TTLL1: variants seen among roughly 807,000 people sequenced by gnomAD.
The protein encoded by TTLL1 is polyglutamylase complex subunit TTLL1.
TTLL1 carries 33 observed loss-of-function variants against 47.8 expected under a neutral mutation model. The ratio of observed to expected loss-of-function variants is 0.69; its 90% CI spans 0.52 to 0.92. TTLL1 has a LOEUF of 0.92. TTLL1 is among the 40% of genes least tolerant of loss of function. The pLI is 0.00. For missense variants in TTLL1, 488 were observed against 547.5 expected, an observed-to-expected ratio of 0.89 and a Z score of 1.08; for synonymous variants, 225 against 214.1, an observed-to-expected ratio of 1.05 and a Z score of -0.45.
intron 1 of TTLL1, among the ~76,000 whole-genome samples, chr22:43,084,119 C>T (rs1364443919): frequency 5.9e-5 from 9 of 152,106 alleles, no homozygotes; most frequent in Non-Finnish European, 1.0e-4. Context: ...AAGATAGAAA[C>T]AGAGTTCCTG....
chr22:43,087,628 A>G (rs761737165), intron 1 of TTLL1, among the ~76,000 whole-genome samples: 5 of 151,540 alleles, frequency 3.3e-5, no homozygotes, highest in Non-Finnish European at 7.4e-5. Flanking sequence ...ACCTGAGGTC[A>G]GGAATTCAAA....
At chr22:43,071,742 G>A (rs1294330005) in intron 3 of TTLL1, among the ~76,000 whole-genome samples, 2 of 152,200 alleles carry the variant, frequency 1.3e-5, no homozygotes, top group Non-Finnish European at 2.9e-5. Context: ...TGAGAATTGG[G>A]GCAGGGCTCA....
intron 10 of TTLL1, among the ~76,000 whole-genome samples, chr22:43,042,986 C>T (rs1204273199): frequency 6.8e-6 from 1 of 146,876 alleles, no homozygotes; most frequent in African/African-American, 2.6e-5. Flanking sequence ...GTCGCCCAGG[C>T]TGGAGTGCGG....
intron 3 of TTLL1, among the ~76,000 whole-genome samples, chr22:43,073,695 A>G (rs904915707): frequency 6.6e-6 from 1 of 151,864 alleles, no homozygotes; most frequent in Non-Finnish European, 1.5e-5. Context: ...AATCCACTCA[A>G]AGTACTTAAC....
chr22:43,054,312 G>A (rs955730877), intron 8 of TTLL1, among the ~76,000 whole-genome samples: 2 of 152,164 alleles, frequency 1.3e-5, no homozygotes, highest in African/African-American at 4.8e-5. Context: ...CGAATCCTCT[G>A]TGAGCCAAAG....
intron 8 of TTLL1, among the ~76,000 whole-genome samples, chr22:43,057,388 G>T (rs1927089033): frequency 2.0e-5 from 3 of 152,054 alleles, no homozygotes; most frequent in Admixed American, 2.0e-4. Flanking sequence ...GGGATTACAG[G>T]CGTGAGCCAC....
rs545029863 is a variant in TTLL1, at chr22:43,076,063, C to T, written c.-4-473G>A. On this transcript the variant is annotated intron_variant, in intron 2 of 10. Coordinates refer to ENST00000266254, the MANE Select transcript of TTLL1 (RefSeq NM_012263.5). ...AGAAGGGGACCCTCGGGCCGACTTC[C>T]GATGGGTGAGTGGGGATCAGCATGC... 5.3e-5 allele frequency among the ~76,000 whole-genome samples: 8 copies of T among 152,326 alleles called. No homozygotes were observed. In the South Asian group the frequency reaches 1.0e-3, roughly 20 times the overall value.
At chr22:43,064,062 C>G (rs1927567629) in intron 6 of TTLL1, 128 bp downstream of exon 6, 2 of 1,507,502 alleles carry the variant, frequency 1.3e-6, no homozygotes, top group Non-Finnish European at 1.8e-6. Flanking sequence ...TCTTACTTCC[C>G]TCAATCCCTG....
At chr22:43,085,943 G>A (rs985784726) in intron 1 of TTLL1, among the ~76,000 whole-genome samples, 3 of 152,288 alleles carry the variant, frequency 2.0e-5, no homozygotes, top group Admixed American at 6.5e-5. Context: ...TTCTCATGTC[G>A]GGCACGCAGC....
chr22:43,043,458 C>T (rs1925860770), intron 10 of TTLL1, among the ~76,000 whole-genome samples: 1 of 152,040 alleles, frequency 6.6e-6, no homozygotes. Flanking sequence ...CTCAGTCCTC[C>T]AGCACAGGGG....
chr22:43,059,810 C>G (rs1335585997), intron 7 of TTLL1, among the ~76,000 whole-genome samples: 3 of 152,146 alleles, frequency 2.0e-5, no homozygotes, highest in Non-Finnish European at 4.4e-5. Context: ...CCACCTCAGC[C>G]TCTCAAGTAA....
chr22:43,080,309 C>A (rs577588005), intron 1 of TTLL1, among the ~76,000 whole-genome samples: 1 of 152,212 alleles, frequency 6.6e-6, no homozygotes, highest in South Asian at 2.1e-4. Context: ...CCCACCTCAG[C>A]CTCCCAAAGT....
chr22:43,056,479 T>C (rs1237368698), intron 8 of TTLL1, among the ~76,000 whole-genome samples: 2 of 148,356 alleles, frequency 1.3e-5, no homozygotes, highest in Non-Finnish European at 3.0e-5. Flanking sequence ...TTTTTTTTTT[T>C]TTTTTTTAAA....
At chr22:43,084,898 A>C (rs1410714581) in intron 1 of TTLL1, among the ~76,000 whole-genome samples, 1 of 151,360 alleles carries the variant, frequency 6.6e-6, no homozygotes, top group Non-Finnish European at 1.5e-5. Context: ...ACTGGAGCTC[A>C]ACCATGCCTG....
intron 2 of TTLL1, among the ~76,000 whole-genome samples, chr22:43,077,053 A>G (rs1928552832): frequency 1.3e-5 from 2 of 152,086 alleles, no homozygotes; most frequent in African/African-American, 2.4e-5. Context: ...GTGAGCGGAG[A>G]TCGCACCACT....
chr22:43,045,283 G>C (rs191196252), intron 10 of TTLL1, among the ~76,000 whole-genome samples: 4 of 152,202 alleles, frequency 2.6e-5, no homozygotes, highest in African/African-American at 9.6e-5. Flanking sequence ...AGTATGCCAC[G>C]GAACCGCTCT....
intron 4 of TTLL1, among the ~76,000 whole-genome samples, chr22:43,069,218 T>TA (rs1455373101): frequency 4.5e-4 from 12 of 26,448 alleles, no homozygotes; most frequent in African/African-American, 1.2e-3. Flanking sequence ...CTACTAAAAA[T>TA]ACAAAAAAAA....
chr22:43,064,384 T>C, intron 5 of TTLL1, 60 bp from the exon 6 acceptor site: 1 of 1,553,214 alleles, frequency 6.4e-7, no homozygotes, highest in South Asian at 1.2e-5. Context: ...GAAGACACAA[T>C]CCAAGAAAGG....
At chr22:43,087,796 C>G (rs1929327236) in intron 1 of TTLL1, among the ~76,000 whole-genome samples, 3 of 142,490 alleles carry the variant, frequency 2.1e-5, no homozygotes, top group South Asian at 4.4e-4. Flanking sequence ...CAAGATCGCA[C>G]CACTGCACAC....
Sources: gnomAD v4.1 joint callset for allele counts (sites outside exome capture counted in the v4.1 genomes callset) on GRCh38, gnomAD v4.1.1 for gene constraint, MANE v1.5 for transcripts, NCBI Gene and HGNC (gene_info 2026-07-23, HGNC 2026-07-21) for gene names.